The following ERBB4 variants were observed in gnomAD, a reference collection of about 807,000 sequenced individuals.
ERBB4 encodes the protein erb-b2 receptor tyrosine kinase 4, also known as receptor tyrosine-protein kinase erbB-4.
In ERBB4, 42 loss-of-function variants were observed where a neutral mutation model predicts 158.0. That is an observed-to-expected ratio of 0.27 (90% CI 0.21 to 0.34). The LOEUF (loss-of-function observed/expected upper bound fraction) is 0.34. ERBB4 is among the 10% of genes least tolerant of loss of function. The pLI, the probability that ERBB4 is intolerant of heterozygous loss-of-function variation, is 1.00. For missense variants in ERBB4, 1,333 were observed against 1,624.1 expected (o/e 0.82, Z 3.08); for synonymous variants, 583 against 558.7 (o/e 1.04, Z -0.61).
intron 1 of ERBB4, among the ~76,000 whole-genome samples, chr2:212,229,617 C>T (rs912611880): frequency 3.3e-5 from 5 of 152,126 alleles, no homozygotes; most frequent in African/African-American, 1.2e-4. Context: ...ACAGACATCT[C>T]TCTGGCAGCA....
At chr2:212,425,023 T>C (rs1180887548) in intron 1 of ERBB4, among the ~76,000 whole-genome samples, 7 of 151,928 alleles carry the variant, frequency 4.6e-5, no homozygotes, top group Admixed American at 3.9e-4. Flanking sequence ...CACAGAAATA[T>C]GAACACAACT....
chr2:211,870,536 TA>T (rs1252353846), intron 3 of ERBB4, among the ~76,000 whole-genome samples: 4 of 152,136 alleles, frequency 2.6e-5, no homozygotes, highest in Admixed American at 6.6e-5. Flanking sequence ...TAAGTTACTA[TA>T]AGATCAAAAT....
At chr2:211,877,978 G>A (rs1357272262) in intron 3 of ERBB4, among the ~76,000 whole-genome samples, 2 of 151,976 alleles carry the variant, frequency 1.3e-5, no homozygotes, top group Non-Finnish European at 1.5e-5. Flanking sequence ...CATGGTGGTG[G>A]GTGCCTGTAA....
chr2:211,489,107 A>C (rs2065276127), intron 20 of ERBB4, among the ~76,000 whole-genome samples: 1 of 152,238 alleles, frequency 6.6e-6, no homozygotes, highest in Non-Finnish European at 1.5e-5. Context: ...AATTCCAAGA[A>C]TCAACAAGAT....
At chr2:211,910,604 A>G (rs1278669654) in intron 3 of ERBB4, among the ~76,000 whole-genome samples, 2 of 151,876 alleles carry the variant, frequency 1.3e-5, no homozygotes, top group Non-Finnish European at 2.9e-5. Flanking sequence ...TGGAGAGGGT[A>G]AGGAAAAATA....
At chr2:212,229,064 T>C (rs1426183398) in intron 1 of ERBB4, among the ~76,000 whole-genome samples, 2 of 152,150 alleles carry the variant, frequency 1.3e-5, no homozygotes, top group African/African-American at 4.8e-5. Context: ...TCAGTATGGA[T>C]TCATGGGAAG....
chr2:211,953,958 T>C (rs990480242), intron 2 of ERBB4, among the ~76,000 whole-genome samples: 12 of 152,082 alleles, frequency 7.9e-5, no homozygotes, highest in Non-Finnish European at 1.5e-4. Flanking sequence ...ACCTGGAATT[T>C]TCAATGGATG....
intron 5 of ERBB4, among the ~76,000 whole-genome samples, chr2:211,737,534 CTT>C (rs2074642386): frequency 6.6e-6 from 1 of 152,120 alleles, no homozygotes; most frequent in Admixed American, 6.5e-5. Flanking sequence ...CTGGAGATGA[CTT>C]TACATAATTT....
intron 1 of ERBB4, among the ~76,000 whole-genome samples, chr2:212,210,339 A>ATTTTT (rs1406201868): frequency 6.6e-6 from 1 of 152,088 alleles, no homozygotes; most frequent in Admixed American, 6.6e-5. Context: ...ATTTAAAAGT[A>ATTTTT]ATGAAACTAA....
chr2:212,165,616 T>G (rs891681518), intron 1 of ERBB4, among the ~76,000 whole-genome samples: 2 of 152,002 alleles, frequency 1.3e-5, no homozygotes, highest in Non-Finnish European at 2.9e-5. Context: ...GGCTGACACA[T>G]CCTTAAAATT....
At chr2:212,049,157 C>T (rs534108814) in intron 2 of ERBB4, among the ~76,000 whole-genome samples, 5 of 152,212 alleles carry the variant, frequency 3.3e-5, no homozygotes, top group African/African-American at 4.8e-5. Flanking sequence ...TTTCAAGTTT[C>T]GTTTATAAAT....
Position 211,381,030 on chromosome 2 carries a change from C to G in ERBB4, c.*2585G>C. The G allele has an allele frequency of 4.3e-6, 1 of 232,250 alleles. No homozygotes were observed. Among genetic ancestry groups the G allele is most frequent in the Non-Finnish European group, 8.5e-6 (1 of 117,506 alleles). The allele number at this position is 232,250 out of a possible 1,614,324, so 14.4% of individuals were successfully genotyped here. On this transcript the variant is annotated 3_prime_UTR_variant, in exon 28 of 28. Coordinates refer to ENST00000342788, the MANE Select transcript of ERBB4 (RefSeq NM_005235.3). ...TTATTTAGAAAGGGAGGCTTATATT[C>G]AATTTTTCATAAGTACTGATATGAG...
At chr2:212,363,203 C>T (rs1574771984) in intron 1 of ERBB4, among the ~76,000 whole-genome samples, 1 of 151,340 alleles carries the variant, frequency 6.6e-6, no homozygotes, top group Middle Eastern at 3.4e-3. Flanking sequence ...TGTGATCAGA[C>T]TAAGTAGCCC....
intron 2 of ERBB4, among the ~76,000 whole-genome samples, chr2:212,066,365 T>A (rs2077947309): frequency 6.6e-6 from 1 of 151,982 alleles, no homozygotes; most frequent in African/African-American, 2.4e-5. Flanking sequence ...AATATCAAAA[T>A]TAAGTCTTTC....
At position 211,898,066 on chromosome 2, in the gene ERBB4, A is replaced by AT. The variant is rs146612664; in HGVS notation, c.421+49363dup. ...AGTATGAGCCATTTCACCCAGGCTG[A>AT]TTTTTTTTTCTAATAAGCATAATAA... On this transcript the variant is annotated intron_variant, in intron 3 of 27. Coordinates refer to ENST00000342788, the MANE Select transcript of ERBB4 (RefSeq NM_005235.3). 2.9e-3 allele frequency among the ~76,000 whole-genome samples: 436 copies of AT among 151,412 alleles called. 3 individuals carry two copies. Among genetic ancestry groups the AT allele is most frequent in the African/African-American group, 9.9e-3 (409 of 41,246 alleles).
chr2:212,270,836 T>C (rs187895586), intron 1 of ERBB4, among the ~76,000 whole-genome samples: 1 of 149,930 alleles, frequency 6.7e-6, no homozygotes, highest in African/African-American at 2.4e-5. Context: ...AGGAGAGAAA[T>C]AGAGAGAGAG....
intron 2 of ERBB4, among the ~76,000 whole-genome samples, chr2:212,042,997 G>A (rs1027096113): frequency 1.3e-5 from 2 of 152,092 alleles, no homozygotes; most frequent in African/African-American, 4.8e-5. Context: ...CTTTAGCTGT[G>A]CGGCAAAGGA....
intron 14 of ERBB4, among the ~76,000 whole-genome samples, chr2:211,667,322 G>C (rs571764555): frequency 6.6e-6 from 1 of 151,728 alleles, no homozygotes; most frequent in Admixed American, 6.6e-5. Context: ...AAATGGAGGC[G>C]TGTGAATAGA....
At chr2:211,592,399 C>T (rs1337426124) in intron 19 of ERBB4, among the ~76,000 whole-genome samples, 5 of 151,940 alleles carry the variant, frequency 3.3e-5, no homozygotes, top group Admixed American at 3.3e-4. Context: ...GGAAACAAGG[C>T]TAGGTGATTA....
Sources: gnomAD v4.1 joint callset for allele counts (sites outside exome capture counted in the v4.1 genomes callset) on GRCh38, gnomAD v4.1.1 for gene constraint, MANE v1.5 for transcripts, NCBI Gene and HGNC (gene_info 2026-07-23, HGNC 2026-07-21) for gene names.